Variants in TTLL11 observed in about 807,000 individuals in gnomAD.
TTLL11 encodes tubulin tyrosine ligase like 11.
A neutral mutation model predicts 51.7 loss-of-function variants in TTLL11; 42 were observed. The observed-to-expected ratio is 0.81, with a 90% CI of 0.64 to 1.05. TTLL11 has a LOEUF of 1.05. TTLL11 is among the 50% of genes least tolerant of loss of function. TTLL11 has a pLI of 0.00. For missense variants in TTLL11, 799 were observed against 940.4 expected (o/e 0.85, Z 1.97); for synonymous variants, 381 against 383.5 (o/e 0.99, Z 0.08).
At chr9:121,841,224 G>C (rs1055080052) in intron 8 of TTLL11, among the ~76,000 whole-genome samples, 2 of 152,198 alleles carry the variant, frequency 1.3e-5, no homozygotes, top group Non-Finnish European at 2.9e-5. Flanking sequence ...TGTGGGCGAA[G>C]AGTGTGGCGG....
At position 121,924,268 on chromosome 9, in the gene TTLL11, T is replaced by C. The variant is rs1232345504; in HGVS notation, c.1481+49741A>G. ...ACTCAGTACAGTGCATGGCCCATTG[T>C]AGGTGCTCGGCGTGTAGTGACGCCG... On this transcript the variant is annotated intron_variant, in intron 6 of 8. Coordinates refer to ENST00000321582, the MANE Select transcript of TTLL11 (RefSeq NM_001139442.2). 2.0e-5 allele frequency among the ~76,000 whole-genome samples: 3 copies of C among 152,214 alleles called. No homozygotes were observed. In the East Asian group the frequency reaches 5.8e-4, roughly 29 times the overall value.
At chr9:121,951,901 T>G (rs1841863263) in intron 6 of TTLL11, among the ~76,000 whole-genome samples, 1 of 152,218 alleles carries the variant, frequency 6.6e-6, no homozygotes, top group African/African-American at 2.4e-5. Flanking sequence ...TTAGACCATA[T>G]AGGGTTACTT....
At chr9:121,877,827 C>T (rs2131410476) in intron 6 of TTLL11, among the ~76,000 whole-genome samples, 1 of 152,264 alleles carries the variant, frequency 6.6e-6, no homozygotes, top group Admixed American at 6.5e-5. Flanking sequence ...GGGAAAGAAA[C>T]CCAGACAGGC....
chr9:121,883,857 C>T (rs550429208), intron 6 of TTLL11, among the ~76,000 whole-genome samples: 11 of 152,222 alleles, frequency 7.2e-5, no homozygotes, highest in African/African-American at 1.9e-4. Context: ...AGCAGAGTGG[C>T]GAGAGCTGCA....
intron 3 of TTLL11, among the ~76,000 whole-genome samples, chr9:122,000,713 C>T (rs1218826273): frequency 6.6e-6 from 1 of 152,150 alleles, no homozygotes; most frequent in Non-Finnish European, 1.5e-5. Context: ...TCATCAAGAA[C>T]CATAAAATGG....
chr9:121,884,060 G>A (rs1193771569), intron 6 of TTLL11, among the ~76,000 whole-genome samples: 3 of 152,240 alleles, frequency 2.0e-5, no homozygotes, highest in African/African-American at 7.2e-5. Flanking sequence ...GAGAATGCCA[G>A]ACACATCGCT....
intron 1 of TTLL11, among the ~76,000 whole-genome samples, chr9:122,046,502 T>C (rs1339648816): frequency 3.9e-5 from 6 of 152,140 alleles, no homozygotes; most frequent in Non-Finnish European, 7.4e-5. Context: ...GAGGGGCCAT[T>C]TGTGGCTCTA....
At chr9:122,022,355 C>A (rs934200225) in intron 3 of TTLL11, among the ~76,000 whole-genome samples, 28 of 151,264 alleles carry the variant, frequency 1.9e-4, no homozygotes, top group African/African-American at 6.6e-4. Context: ...TTGTTCAACA[C>A]CAATGATAAA....
At chr9:121,916,496 T>C (rs758977196) in intron 6 of TTLL11, among the ~76,000 whole-genome samples, 13 of 149,376 alleles carry the variant, frequency 8.7e-5, no homozygotes, top group Non-Finnish European at 1.9e-4. Flanking sequence ...ATACTATTTT[T>C]ATAATTTTAA....
intron 6 of TTLL11, among the ~76,000 whole-genome samples, chr9:121,948,680 C>G (rs1005464247): frequency 6.6e-6 from 1 of 152,204 alleles, no homozygotes; most frequent in African/African-American, 2.4e-5. Context: ...CAGGAAGTGG[C>G]AGAACCAGGC....
intron 1 of TTLL11, among the ~76,000 whole-genome samples, chr9:122,066,147 G>A (rs1258184759): frequency 6.6e-6 from 1 of 151,948 alleles, no homozygotes; most frequent in Non-Finnish European, 1.5e-5. Flanking sequence ...ACTACAGACT[G>A]AAGTGACACC....
At chr9:121,964,629 C>T (rs1842345919) in intron 6 of TTLL11, among the ~76,000 whole-genome samples, 1 of 152,086 alleles carries the variant, frequency 6.6e-6, no homozygotes, top group South Asian at 2.1e-4. Context: ...CCATAAACCT[C>T]CGGCTTTGGG....
intron 6 of TTLL11, among the ~76,000 whole-genome samples, chr9:121,937,826 C>G (rs1179764142): frequency 6.6e-6 from 1 of 151,754 alleles, no homozygotes; most frequent in Non-Finnish European, 1.5e-5. Context: ...AAGAAAAGAA[C>G]CAAAGAGAAT....
At chr9:121,843,121 A>G (rs374458516) in intron 8 of TTLL11, among the ~76,000 whole-genome samples, 2 of 152,028 alleles carry the variant, frequency 1.3e-5, no homozygotes, top group African/African-American at 4.8e-5. Flanking sequence ...GGATCCCTTG[A>G]GCGCAGTAGT....
chr9:121,843,751 C>T (rs911549247), intron 8 of TTLL11, among the ~76,000 whole-genome samples: 40 of 152,300 alleles, frequency 2.6e-4, no homozygotes, highest in Admixed American at 2.4e-3. Context: ...CAGCTCACTG[C>T]AGCCTTGACC....
At chr9:121,937,848 A>G (rs1419177225) in intron 6 of TTLL11, among the ~76,000 whole-genome samples, 1 of 152,170 alleles carries the variant, frequency 6.6e-6, no homozygotes, top group Non-Finnish European at 1.5e-5. Context: ...TCTGGAAATA[A>G]ACCCAGTAAA....
Position 121,894,453 on chromosome 9 carries a change from T to C in TTLL11, c.1482-23705A>G, listed in dbSNP as rs536045860. ...TAAAGACACATGCACACCACATATGTTTATTGCAGCACTAGTCACAATAGC... is the reference window on the plus strand; with the variant it reads ...TAAAGACACATGCACACCACATATGCTTATTGCAGCACTAGTCACAATAGC... On this transcript the variant is annotated intron_variant, in intron 6 of 8. Coordinates refer to ENST00000321582, the MANE Select transcript of TTLL11 (RefSeq NM_001139442.2). Among the ~76,000 whole-genome samples the C allele has an allele frequency of 6.0e-3, 907 of 152,294 alleles. 3 individuals are homozygous for C. Among genetic ancestry groups the C allele is most frequent in the Non-Finnish European group, 9.4e-3 (637 of 68,038 alleles).
chr9:121,847,934 G>A (rs201762446), intron 8 of TTLL11, among the ~76,000 whole-genome samples: 1 of 152,108 alleles, frequency 6.6e-6, no homozygotes, highest in East Asian at 1.9e-4. Flanking sequence ...TCACAGGCTG[G>A]GCACCAATAT....
At chr9:121,829,878 T>A (rs967037048) in intron 8 of TTLL11, among the ~76,000 whole-genome samples, 2 of 152,114 alleles carry the variant, frequency 1.3e-5, no homozygotes, top group African/African-American at 4.8e-5. Context: ...GTTCTGGGAA[T>A]CTGTCCTTGA....
Sources: gnomAD v4.1 joint callset for allele counts (sites outside exome capture counted in the v4.1 genomes callset) on GRCh38, gnomAD v4.1.1 for gene constraint, MANE v1.5 for transcripts, NCBI Gene and HGNC (gene_info 2026-07-23, HGNC 2026-07-21) for gene names.